The following SLC25A14 variants were observed in gnomAD, a reference collection of about 807,000 sequenced individuals.
The protein encoded by SLC25A14 is solute carrier family 25 member 14.
A neutral mutation model predicts 28.1 loss-of-function variants in SLC25A14; 8 were observed. That is an observed-to-expected ratio of 0.28 (90% CI 0.17 to 0.51). SLC25A14 has a LOEUF of 0.51. SLC25A14 is among the 20% of genes least tolerant of loss of function. The probability of loss-of-function intolerance (pLI) is 0.97; values close to 1 mark genes in which losing one functional copy is unlikely to be tolerated. For missense variants in SLC25A14, 135 were observed against 263.8 expected, an observed-to-expected ratio of 0.51 and a Z score of 3.38; for synonymous variants, 74 against 90.6, an observed-to-expected ratio of 0.82 and a Z score of 1.04.
chrX:130,347,663 A>C (rs775275402), intron 4 of SLC25A14, among the ~76,000 whole-genome samples: 3 of 111,623 alleles, frequency 2.7e-5, no homozygotes, highest in Non-Finnish European at 5.7e-5. Flanking sequence ...TGCAACTGTT[A>C]GGAAGTAGAG....
intron 6 of SLC25A14, among the ~76,000 whole-genome samples, chrX:130,355,670 ACTGT>A (rs780433039): frequency 8.9e-6 from 1 of 111,878 alleles, no homozygotes; most frequent in South Asian, 3.8e-4. Context: ...ACATTTCCAG[ACTGT>A]CTTATATTTT....
At chrX:130,354,993 G>A (rs1296367844) in intron 6 of SLC25A14, among the ~76,000 whole-genome samples, 1 of 112,313 alleles carries the variant, frequency 8.9e-6, no homozygotes, top group Non-Finnish European at 1.9e-5. Flanking sequence ...AAATTTTAAA[G>A]TTTATTGTAT....
intron 9 of SLC25A14, among the ~76,000 whole-genome samples, chrX:130,371,265 A>G (rs928737824): frequency 9.0e-6 from 1 of 111,670 alleles, no homozygotes; most frequent in African/African-American, 3.3e-5. Context: ...CAAGGGTACA[A>G]ATAACTGGAG....
At chrX:130,364,983 A>T in intron 8 of SLC25A14, 2 of 885,287 alleles carry the variant, frequency 2.3e-6, no homozygotes, top group Non-Finnish European at 2.8e-6. Context: ...AGCCTATCAG[A>T]GGTCTATTTG....
At chrX:130,352,265 T>C (rs769753804) in intron 6 of SLC25A14, among the ~76,000 whole-genome samples, 16 of 112,536 alleles carry the variant, frequency 1.4e-4, no homozygotes, top group Admixed American at 1.4e-3. Flanking sequence ...TTTTTATGAC[T>C]GCATAGTATT....
chrX:130,358,698 A>C lies in SLC25A14; in HGVS notation c.557A>C (p.Asp186Ala). ...GGGAGCATGATTGGAAGCTTTATCGATATATACCAACAAGAAGGCACCAGG... is the reference window on the plus strand; with the variant it reads ...GGGAGCATGATTGGAAGCTTTATCGCTATATACCAACAAGAAGGCACCAGG... ...FQGSMIGSFI[D>A]IYQQEGTRGL... The change falls in exon 7 of 11, where the codon GAT becomes GCT. Residue 186 changes from aspartate to alanine, a missense_variant. By Grantham distance (126) the Asp-to-Ala change is moderately radical. Coordinates refer to ENST00000545805, the MANE Select transcript of SLC25A14 (RefSeq NM_001282195.2). 3 of 1,203,587 alleles carry C rather than the reference A, an allele frequency of 2.5e-6. No homozygotes were observed. The highest frequency in any genetic ancestry group is 1.7e-5 in the African/African-American group (1 of 57,685).
chrX:130,344,498 A>G (rs2033365957), intron 2 of SLC25A14, among the ~76,000 whole-genome samples: 1 of 111,403 alleles, frequency 9.0e-6, no homozygotes, highest in South Asian at 3.8e-4. Flanking sequence ...AAAGAAGAAC[A>G]GTATTTATAT....
At chrX:130,346,479 A>G (rs2033443467) in intron 3 of SLC25A14, 65 bp from the exon 4 acceptor site, 1 of 976,191 alleles carries the variant, frequency 1.0e-6, no homozygotes, top group Admixed American at 2.4e-5. Context: ...TCCTTGGCTT[A>G]TATTTAGCAA....
At chrX:130,347,854 A>G (rs762919258) in intron 4 of SLC25A14, among the ~76,000 whole-genome samples, 69 of 111,351 alleles carry the variant, frequency 6.2e-4, no homozygotes, top group Admixed American at 1.9e-4. Flanking sequence ...TCAGGGTAAT[A>G]CTAGCCAAAA....
At chrX:130,348,793 CT>C (rs1491415461) in intron 4 of SLC25A14, among the ~76,000 whole-genome samples, 5 of 33,998 alleles carry the variant, frequency 1.5e-4, no homozygotes, top group Non-Finnish European at 2.0e-4. Flanking sequence ...CCCCCCCCCC[CT>C]TTTTTTTTTT....
chrX:130,369,136 T>A (rs1452249712), intron 9 of SLC25A14, among the ~76,000 whole-genome samples: 2 of 111,769 alleles, frequency 1.8e-5, no homozygotes, highest in African/African-American at 6.5e-5. Context: ...TTTTGGAAAT[T>A]TATAAAGATT....
chrX:130,354,446 A>G (rs758170364), intron 6 of SLC25A14, among the ~76,000 whole-genome samples: 13 of 112,195 alleles, frequency 1.2e-4, no homozygotes, highest in South Asian at 3.7e-4. Flanking sequence ...AGCTCTCACT[A>G]TATCAGTTAG....
chrX:130,371,500 G>A (rs1445431693), intron 9 of SLC25A14, 64 bp from the exon 10 acceptor site: 1 of 833,035 alleles, frequency 1.2e-6, no homozygotes, highest in African/African-American at 2.0e-5. Context: ...GGTGGGAGTG[G>A]AAGGTGATGT....
chrX:130,358,558 A>G, intron 6 of SLC25A14, 82 bp from the exon 7 acceptor site: 3 of 609,099 alleles, frequency 4.9e-6, no homozygotes, highest in South Asian at 6.6e-5. Context: ...ATGAATTTAA[A>G]ATGAATTTAA....
chrX:130,347,078 CAG>C (rs750262133), intron 4 of SLC25A14, among the ~76,000 whole-genome samples: 2 of 110,990 alleles, frequency 1.8e-5, no homozygotes, highest in African/African-American at 6.5e-5. Flanking sequence ...GCAGTTTAAA[CAG>C]AAAGTGCATA....
intron 9 of SLC25A14, among the ~76,000 whole-genome samples, chrX:130,368,965 C>T (rs1327071211): frequency 8.9e-6 from 1 of 112,587 alleles, no homozygotes; most frequent in African/African-American, 3.2e-5. Flanking sequence ...TAATAGCAGT[C>T]ATTCTTTAAA....
intron 8 of SLC25A14, 73 bp downstream of exon 8, chrX:130,364,825 C>T (rs762634832): frequency 2.6e-5 from 30 of 1,163,815 alleles, no homozygotes; most frequent in Non-Finnish European, 3.3e-5. Context: ...CTGAAATCCT[C>T]AGGTGGAATT....
chrX:130,345,549 A>G (rs1434530702), intron 3 of SLC25A14, among the ~76,000 whole-genome samples: 2 of 111,294 alleles, frequency 1.8e-5, no homozygotes, highest in Non-Finnish European at 3.8e-5. Flanking sequence ...GAGGGAGTTG[A>G]TATGTCATAA....
At chrX:130,364,594 T>A (rs200202802) in intron 7 of SLC25A14, 34 bp from the exon 8 acceptor site, 1 of 1,129,969 alleles carries the variant, frequency 8.8e-7, no homozygotes, top group Non-Finnish European at 1.2e-6. Context: ...CCCTTTGTAT[T>A]TCCTTGGTGC....
Sources: gnomAD v4.1 joint callset for allele counts (sites outside exome capture counted in the v4.1 genomes callset) on GRCh38, gnomAD v4.1.1 for gene constraint, MANE v1.5 for transcripts, NCBI Gene and HGNC (gene_info 2026-07-23, HGNC 2026-07-21) for gene names.